Variants in TERB1 observed in about 807,000 individuals in gnomAD.
TERB1 encodes telomere repeat binding bouquet formation protein 1.
In TERB1, 63 loss-of-function variants were observed where a neutral mutation model predicts 92.3. That is an observed-to-expected ratio of 0.68 (90% CI 0.56 to 0.84). The LOEUF is 0.84. TERB1 is among the 40% of genes least tolerant of loss of function. The pLI is 0.00. For missense variants in TERB1, 709 were observed against 843.7 expected (o/e 0.84, Z 1.98); for synonymous variants, 252 against 283.9 (o/e 0.89, Z 1.13).
chr16:66,774,249 A>AG (rs2018504964), intron 12 of TERB1, among the ~76,000 whole-genome samples: 1 of 114,950 alleles, frequency 8.7e-6, no homozygotes, highest in African/African-American at 3.4e-5. Context: ...GCAGTGGCGC[A>AG]ATCTCGGCTC....
chr16:66,769,730 C>T (rs1184522514), intron 14 of TERB1, among the ~76,000 whole-genome samples: 1 of 152,200 alleles, frequency 6.6e-6, no homozygotes, highest in Non-Finnish European at 1.5e-5. Flanking sequence ...ACTCCCTATA[C>T]CCTGTGAGTT....
At chr16:66,775,338 A>T in intron 11 of TERB1, 95 bp from the exon 12 acceptor site, 2 of 1,186,616 alleles carry the variant, frequency 1.7e-6, no homozygotes, top group African/African-American at 1.5e-5. Flanking sequence ...ACATAGTTCA[A>T]AATTTTAAAA....
intron 16 of TERB1, among the ~76,000 whole-genome samples, chr16:66,764,508 C>T (rs2018305559): frequency 6.6e-6 from 1 of 152,144 alleles, no homozygotes; most frequent in African/African-American, 2.4e-5. Context: ...CAGAGAAGCA[C>T]TGAGGGTTCT....
intron 3 of TERB1, among the ~76,000 whole-genome samples, chr16:66,796,464 G>C (rs1388698041): frequency 1.3e-5 from 2 of 152,098 alleles, no homozygotes; most frequent in African/African-American, 4.8e-5. Flanking sequence ...CCATCTTTCT[G>C]GGAACAATTC....
At chr16:66,762,780 C>G (rs531925475) in intron 16 of TERB1, among the ~76,000 whole-genome samples, 1 of 152,132 alleles carries the variant, frequency 6.6e-6, no homozygotes, top group African/African-American at 2.4e-5. Flanking sequence ...ACCTCCTGGG[C>G]TTAAGCAATC....
At position 66,778,996 on chromosome 16, in the gene TERB1, G is replaced by A. The variant is rs1446282323; in HGVS notation, c.720C>T (p.Phe240=). Residue 240 remains phenylalanine, a synonymous_variant, in exon 10 of 19, where the codon TTC becomes TTT. Coordinates refer to ENST00000433154, the MANE Select transcript of TERB1 (RefSeq NM_001136505.2). ...ATACATCCAGTCCGCCCACAGATAC[G>A]AAGTATTTCTGAACATATGCTTAAA... ...LANNTYVQKY[F]VSVGGLDVLS... 9.3e-6 allele frequency: 14 copies of A among 1,511,274 alleles called. No homozygotes were observed. Among genetic ancestry groups the A allele is most frequent in the Middle Eastern group, 1.7e-4 (1 of 5,846 alleles). The allele number at this position is 1,511,274 out of a possible 1,614,324, so 93.6% of individuals were successfully genotyped here.
At chr16:66,764,478 G>A (rs2018305035) in intron 16 of TERB1, among the ~76,000 whole-genome samples, 1 of 152,218 alleles carries the variant, frequency 6.6e-6, no homozygotes, top group Non-Finnish European at 1.5e-5. Flanking sequence ...GCCAGGCAGA[G>A]AGGTTGATTC....
intron 12 of TERB1, 76 bp from the exon 13 acceptor site, chr16:66,772,825 C>T: frequency 3.6e-6 from 4 of 1,120,916 alleles, no homozygotes; most frequent in Non-Finnish European, 5.0e-6. Flanking sequence ...TCACAGCCCA[C>T]CCTCTCCTTT....
In TERB1 at chr16:66,770,025, T is replaced by G. The variant is rs537856852; in HGVS notation, c.1557A>C (p.Ser519=). The G allele has an allele frequency of 5.2e-5, 81 of 1,551,742 alleles. No homozygotes were observed. The African/African-American group carries it at 1.1e-3, about 20-fold the overall frequency. The change falls in exon 14 of 19, where the codon TCA becomes TCC. Residue 519 remains serine (S), a synonymous_variant. Coordinates refer to ENST00000433154, the MANE Select transcript of TERB1 (RefSeq NM_001136505.2). ...CTTCATGTAAGTTTTGATTGCAGCT[T>G]GACTTGGCTTTATATAAAGTCTTAT... ...EQNKTLYKAK[S]SCNQNLHEET... is the part of the protein sequence containing the mutation.
chr16:66,801,780 T>G (rs563922840), upstream of TERB1, among the ~76,000 whole-genome samples: 5 of 152,184 alleles, frequency 3.3e-5, no homozygotes, highest in East Asian at 9.7e-4. Flanking sequence ...CCGCCCCCGG[T>G]TTTTAGGGTT....
At chr16:66,762,240 C>T (rs948623724) in intron 16 of TERB1, among the ~76,000 whole-genome samples, 2 of 152,178 alleles carry the variant, frequency 1.3e-5, no homozygotes, top group Non-Finnish European at 2.9e-5. Context: ...TAACTCATGG[C>T]TAATCATGTT....
Position 66,787,978 on chromosome 16 carries a change from C to A in TERB1, c.400+191G>T, listed in dbSNP as rs141063982. On this transcript the variant is annotated intron_variant, in intron 6 of 18. Coordinates refer to ENST00000433154, the MANE Select transcript of TERB1 (RefSeq NM_001136505.2). ...TCAGTAGGCTGAGGCAGGAGAATCA[C>A]TTGAACCAGGTGGCAGAGGTTGCAG... is the stretch of plus-strand genomic sequence containing the variant. Among the ~76,000 whole-genome samples the A allele has an allele frequency of 3.9e-5, 6 of 152,290 alleles. No homozygotes were observed. The East Asian group carries it at 1.2e-3, about 29-fold the overall frequency.
chr16:66,797,623 CCACACA>C (rs71145942), intron 2 of TERB1, among the ~76,000 whole-genome samples: 181 of 140,946 alleles, frequency 1.3e-3, no homozygotes, highest in South Asian at 1.9e-3. Context: ...TAAAAACACA[CCACACA>C]CACACACACA....
intron 18 of TERB1, 196 bp downstream of exon 18, chr16:66,758,577 C>T (rs1276396041): frequency 4.4e-6 from 2 of 453,948 alleles, no homozygotes; most frequent in Non-Finnish European, 7.8e-6. Context: ...CCCATCTCTA[C>T]TAAAAATACA....
intron 3 of TERB1, among the ~76,000 whole-genome samples, chr16:66,791,316 G>GA (rs967698156): frequency 6.0e-5 from 9 of 149,906 alleles, no homozygotes; most frequent in Admixed American, 2.0e-4. Flanking sequence ...CTGTCATTTA[G>GA]AAAAAAAAAG....
intron 16 of TERB1, among the ~76,000 whole-genome samples, chr16:66,760,098 T>C (rs1174422429): frequency 1.0e-5 from 1 of 95,378 alleles, no homozygotes; most frequent in African/African-American, 4.6e-5. Flanking sequence ...ACGACTGCAC[T>C]CCAACCTGGG....
Position 66,770,222 on chromosome 16 carries a change from G to A in TERB1, c.1360C>T (p.Arg454Trp), listed in dbSNP as rs117908791. The A allele has an allele frequency of 2.4e-5, 37 of 1,552,112 alleles. No individual in the cohort carries two copies. The highest frequency in any genetic ancestry group is 3.1e-5 in the Non-Finnish European group (36 of 1,147,034). The change falls in exon 14 of 19, where the codon CGG becomes TGG. Residue 454 changes from arginine (R) to tryptophan (W), a missense_variant. By Grantham distance (101) the Arg-to-Trp change is moderately radical. Transcript: ENST00000433154. ...QNTWKHLHAD[R>W]IGRGSKAEDE... The stretch of plus-strand genomic sequence containing the variant: ...TCTGCTTTGCTACCTCGACCAATCC[G>A]ATCTGCATGGAGATGTTTCCATGTA...
At chr16:66,796,897 T>C (rs186067198) in intron 2 of TERB1, 67 bp from the exon 3 acceptor site, 248 of 785,314 alleles carry the variant, frequency 3.2e-4, no homozygotes, top group Middle Eastern at 1.7e-3. Flanking sequence ...TAAGTACAAA[T>C]GGGCGGGAAA....
chr16:66,780,005 A>C (rs560698792), intron 9 of TERB1, among the ~76,000 whole-genome samples: 26 of 152,250 alleles, frequency 1.7e-4, no homozygotes, highest in African/African-American at 5.8e-4. Flanking sequence ...TAATGACTAC[A>C]GGCGTGCACC....
Sources: gnomAD v4.1 joint callset for allele counts (sites outside exome capture counted in the v4.1 genomes callset) on GRCh38, gnomAD v4.1.1 for gene constraint, MANE v1.5 for transcripts, NCBI Gene and HGNC (gene_info 2026-07-23, HGNC 2026-07-21) for gene names.